ENO4: variants seen among roughly 807,000 people sequenced by gnomAD.
ENO4 encodes the protein 2-phospho-D-glycerate hydro-lyase.
Under a neutral mutation model 63.2 loss-of-function variants are expected in ENO4, and 53 were observed. That is an observed-to-expected ratio of 0.84 (90% CI 0.67 to 1.05). The LOEUF is 1.05. Ranked by LOEUF, ENO4 falls within the 50% of genes least tolerant of loss-of-function variation. The pLI is 0.00. For synonymous variants in ENO4, 266 were observed against 283.8 expected, an observed-to-expected ratio of 0.94 and a Z score of 0.63; for missense variants, 719 against 772.0, an observed-to-expected ratio of 0.93 and a Z score of 0.81.
At chr10:116,856,814 CCA>C in intron 3 of ENO4, 132 bp downstream of exon 3, 1 of 708,686 alleles carries the variant, frequency 1.4e-6, no homozygotes, top group Admixed American at 3.6e-5. Flanking sequence ...ACGGTGAAAC[CCA>C]GTCTCTACTC....
chr10:116,910,739 C>T (rs996670031), intron 10 of ENO4, among the ~76,000 whole-genome samples: 2 of 152,168 alleles, frequency 1.3e-5, no homozygotes, highest in African/African-American at 4.8e-5. Context: ...TAATAGAACA[C>T]TGAATAACAG....
At chr10:116,880,598 C>T (rs956106085) in intron 13 of ENO4, among the ~76,000 whole-genome samples, 12 of 152,148 alleles carry the variant, frequency 7.9e-5, no homozygotes, top group Admixed American at 5.9e-4. Context: ...AAGAGACCAA[C>T]AGAAACTGTG....
chr10:116,895,208 C>T (rs1016526464), intron 10 of ENO4, among the ~76,000 whole-genome samples: 2 of 152,082 alleles, frequency 1.3e-5, no homozygotes, highest in Non-Finnish European at 1.5e-5. Context: ...CCAATGATTA[C>T]GGTCAGAAAT....
At chr10:116,904,240 C>T (rs934981801) in intron 10 of ENO4, among the ~76,000 whole-genome samples, 2 of 152,220 alleles carry the variant, frequency 1.3e-5, no homozygotes, top group African/African-American at 4.8e-5. Context: ...ACCTGACTCC[C>T]AACATGCAGC....
chr10:116,901,172 A>C (rs570566455), intron 10 of ENO4: 1 of 985,478 alleles, frequency 1.0e-6, no homozygotes, highest in East Asian at 1.1e-4. Flanking sequence ...AAGAGCTGCC[A>C]TTGTTATAAA....
At chr10:116,868,519 G>A in intron 7 of ENO4, 131 bp from the exon 8 acceptor site, 2 of 750,260 alleles carry the variant, frequency 2.7e-6, no homozygotes, top group South Asian at 1.5e-5. Context: ...GAGTGCGTGT[G>A]TGTGCGTGTA....
intron 2 of ENO4, 82 bp from the exon 3 acceptor site, chr10:116,856,410 G>A: frequency 9.0e-7 from 1 of 1,115,260 alleles, no homozygotes; most frequent in South Asian, 1.5e-5. Context: ...AAAATTTCAT[G>A]CATGTTAAAA....
chr10:116,884,014 C>T (rs893846518), downstream of ENO4: 5 of 228,516 alleles, frequency 2.2e-5, no homozygotes, highest in Admixed American at 5.1e-5. Flanking sequence ...CATCAACATT[C>T]GTTTTTCTTA....
intron 9 of ENO4, among the ~76,000 whole-genome samples, chr10:116,872,732 C>A (rs1245286645): frequency 6.6e-6 from 1 of 152,184 alleles, no homozygotes; most frequent in Non-Finnish European, 1.5e-5. Context: ...AAATGCCCAG[C>A]ATATTGCCAA....
chr10:116,878,560 C>T (rs2133280821), intron 11 of ENO4, among the ~76,000 whole-genome samples: 1 of 152,108 alleles, frequency 6.6e-6, no homozygotes. Context: ...GTAGGCATAC[C>T]AACTCCACGT....
At chr10:116,908,735 T>C (rs1166635168) in intron 10 of ENO4, among the ~76,000 whole-genome samples, 1 of 152,234 alleles carries the variant, frequency 6.6e-6, no homozygotes, top group Non-Finnish European at 1.5e-5. Flanking sequence ...TTGATGAATG[T>C]ATCTTTCACA....
rs538495243 is a variant in ENO4, at chr10:116,871,399, TG to T, written c.1215+108del. 841 of 1,024,788 alleles carry T rather than the reference TG, an allele frequency of 8.2e-4. 12 individuals are homozygous for T. The South Asian group carries it at 0.016, about 19-fold the overall frequency. 63.5% of individuals were successfully genotyped at this position (1,024,788 alleles called of 1,614,324 possible). A position where few individuals can be genotyped will look rare whatever the true frequency, so the allele number is the denominator to read the frequency against. ...TGAATATTGTCCAAACAGATCTTATTGTTTTTTTATTAATATTGTGTGAAGG... is the reference window on the plus strand; with the variant it reads ...TGAATATTGTCCAAACAGATCTTATTTTTTTTTATTAATATTGTGTGAAGG... On this transcript the variant is annotated intron_variant, in intron 9 of 13. Coordinates refer to ENST00000341276, the MANE Select transcript of ENO4 (RefSeq NM_001242699.2).
At position 116,856,560 on chromosome 10, in the gene ENO4, G is replaced by A. The variant is rs755433351; in HGVS notation, c.363G>A (p.Lys121=). The change falls in exon 3 of 14, where the codon AAG becomes AAA. Residue 121 remains lysine, a synonymous_variant. Transcript: ENST00000341276. ...AGAATGCTCTGCCCGAGCTGGCCAA[G>A]GCGGAGGAGGCAGAGAGGGCCAGCG... ...VHENALPELA[K]AEEAERASAV... The A allele has an allele frequency of 1.3e-6, 2 of 1,536,178 alleles. No homozygotes were observed. The highest frequency in any genetic ancestry group is 2.4e-5 in the South Asian group (2 of 84,066).
At position 116,849,610 on chromosome 10, in the gene ENO4, A is replaced by T; in HGVS notation, c.44A>T (p.Glu15Val). ...GGGRSCGTTRELQKLKQQAME... is the reference protein window; with the variant it reads ...GGGRSCGTTRVLQKLKQQAME... ...GGCCGCAGCTGTGGGACCACTAGGG[A>T]GCTGCAGAAGCTGAAGCAGCAGGCG... is the stretch of plus-strand genomic sequence containing the variant. The change falls in exon 1 of 14, where the codon GAG becomes GTG. Residue 15 changes from glutamate to valine, a missense_variant. Glu to Val is a moderately radical substitution (Grantham distance 121). This residue lies in a region of ENO4 where 544 missense variants were observed against 583.6 expected (regional missense o/e 0.93). Coordinates refer to ENST00000341276, the MANE Select transcript of ENO4 (RefSeq NM_001242699.2). 1.3e-6 allele frequency: 2 copies of T among 1,549,916 alleles called. No homozygotes were observed. The highest frequency in any genetic ancestry group is 2.4e-5 in the South Asian group (2 of 83,966).
chr10:116,881,756 T>A lies in ENO4; in HGVS notation c.*87T>A. ...TACGGCGCCGTGTCTCCACATGGAG[T>A]TTCCTCTTCAACTTCACCAACTCTT... is the stretch of plus-strand genomic sequence containing the variant. On this transcript the variant is annotated 3_prime_UTR_variant, in exon 14 of 14. Coordinates refer to ENST00000341276, the MANE Select transcript of ENO4 (RefSeq NM_001242699.2). 9.6e-7 allele frequency: 1 copy of A among 1,046,924 alleles called. No homozygotes were observed. The highest frequency in any genetic ancestry group is 1.3e-6 in the Non-Finnish European group (1 of 789,564). The allele number at this position is 1,046,924 out of a possible 1,614,324, so 64.9% of individuals were successfully genotyped here. A position where few individuals can be genotyped will look rare whatever the true frequency, so the allele number is the denominator to read the frequency against.
chr10:116,880,695 T>C (rs1266392999), intron 13 of ENO4, among the ~76,000 whole-genome samples: 1 of 152,222 alleles, frequency 6.6e-6, no homozygotes, highest in Non-Finnish European at 1.5e-5. Flanking sequence ...GGGAGACTAT[T>C]TCTGAGTCAT....
chr10:116,907,757 C>T (rs1236576138), intron 10 of ENO4: 1 of 424,096 alleles, frequency 2.4e-6, no homozygotes, highest in South Asian at 1.7e-5. Context: ...ATCTTTTGAT[C>T]AGAGGACATA....
At chr10:116,871,385 C>G in intron 9 of ENO4, 93 bp downstream of exon 9, 1 of 1,117,340 alleles carries the variant, frequency 8.9e-7, no homozygotes, top group South Asian at 1.9e-5. Flanking sequence ...GAATATTGTC[C>G]AAACAGATCT....
Position 116,849,741 on chromosome 10 carries a change from T to G in ENO4, c.165+10T>G. 1 of 1,502,972 alleles carries G rather than the reference T, an allele frequency of 6.7e-7. No individual in the cohort carries two copies. The highest frequency in any genetic ancestry group is 8.9e-7 in the Non-Finnish European group (1 of 1,122,566). 93.1% of individuals were successfully genotyped at this position (1,502,972 alleles called of 1,614,324 possible). On this transcript the variant is annotated intron_variant, in intron 1 of 13. Coordinates refer to ENST00000341276, the MANE Select transcript of ENO4 (RefSeq NM_001242699.2). ...CGTCTACGGGCACCTGGTAGGGACC[T>G]GGGACAAGCGCTCTCCTCCCGCCAA...
Sources: gnomAD v4.1 joint callset for allele counts (sites outside exome capture counted in the v4.1 genomes callset) on GRCh38, gnomAD v4.1.1 for gene constraint, gnomAD v4.1.1 regional missense constraint, MANE v1.5 for transcripts, NCBI Gene and HGNC (gene_info 2026-07-23, HGNC 2026-07-21) for gene names.